Variants in PRKCA observed in about 807,000 individuals in gnomAD.
PRKCA encodes protein kinase C alpha type.
PRKCA carries 27 observed loss-of-function variants against 87.0 expected under a neutral mutation model. The ratio of observed to expected loss-of-function variants is 0.31; its 90% CI spans 0.23 to 0.43. The LOEUF is 0.43. Among genes scored for constraint, PRKCA ranks in the 20% least tolerant of loss-of-function variants. The pLI is 1.00. For missense variants in PRKCA, 518 were observed against 852.3 expected, an observed-to-expected ratio of 0.61 and a Z score of 4.88; for synonymous variants, 329 against 311.1, an observed-to-expected ratio of 1.06 and a Z score of -0.61.
chr17:66,726,788 G>A (rs1016280716), intron 8 of PRKCA, among the ~76,000 whole-genome samples: 2 of 151,502 alleles, frequency 1.3e-5, no homozygotes, highest in Non-Finnish European at 2.9e-5. Context: ...GCAGTGGCAC[G>A]ATCTTGGCTC....
At chr17:66,423,409 T>C (rs62070393) in intron 2 of PRKCA, among the ~76,000 whole-genome samples, 6,389 of 152,336 alleles carry the variant, frequency 0.042, 195 homozygotes, top group Admixed American at 0.076. Flanking sequence ...GATAGTTTGA[T>C]AATTCAGAGA....
Position 66,641,475 on chromosome 17 carries a change from G to GTTTTC in PRKCA, c.400+15_400+19dup. ...AGGGATGAAATGTGACAGTAAGTAAGTTTTCTTTTCCAGTTCATAGCGAGG... is the reference window on the plus strand; with the variant it reads ...AGGGATGAAATGTGACAGTAAGTAAGTTTTCTTTTCTTTTCCAGTTCATAGCGAGG... On this transcript the variant is annotated intron_variant, in intron 4 of 16. Transcript: ENST00000413366. 3.1e-6 allele frequency: 5 copies of GTTTTC among 1,595,938 alleles called. No homozygotes were observed. Among genetic ancestry groups the GTTTTC allele is most frequent in the Non-Finnish European group, 3.4e-6 (4 of 1,166,378 alleles).
Position 66,796,959 on chromosome 17 carries a change from C to T in PRKCA, c.1855-6914C>T, listed in dbSNP as rs186336765. ...AACATCCCTTTACTCTTTATTTGTT[C>T]TGCATCTTTCCTCTTCTTCTGGGTT... On this transcript the variant is annotated intron_variant, in intron 16 of 16. Transcript: ENST00000413366. 88 of 985,394 alleles carry T rather than the reference C, an allele frequency of 8.9e-5. No individual in the cohort carries two copies. The Middle Eastern group carries it at 2.1e-3, about 23-fold the overall frequency. The allele number at this position is 985,394 out of a possible 1,614,324, so 61.0% of individuals were successfully genotyped here.
chr17:66,781,870 T>C (rs62070961), intron 14 of PRKCA, among the ~76,000 whole-genome samples: 1 of 107,158 alleles, frequency 9.3e-6, no homozygotes, highest in Admixed American at 9.3e-5. Flanking sequence ...GAGAGAGAGA[T>C]ATATATATAT....
chr17:66,681,787 G>C (rs145628266), intron 5 of PRKCA, among the ~76,000 whole-genome samples: 1 of 152,206 alleles, frequency 6.6e-6, no homozygotes, highest in Non-Finnish European at 1.5e-5. Flanking sequence ...ACCCATTCAC[G>C]TGAGATGGCC....
intron 6 of PRKCA, 135 bp downstream of exon 6, chr17:66,687,402 C>A: frequency 1.1e-6 from 1 of 889,044 alleles, no homozygotes; most frequent in Non-Finnish European, 1.7e-6. Context: ...CCTCAGGCTG[C>A]CATTAGGGAG....
chr17:66,320,666 T>C (rs1394647254), intron 2 of PRKCA, among the ~76,000 whole-genome samples: 1 of 152,188 alleles, frequency 6.6e-6, no homozygotes, highest in Non-Finnish European at 1.5e-5. Context: ...GTTCACGAAA[T>C]TGTATATTTT....
intron 8 of PRKCA, among the ~76,000 whole-genome samples, chr17:66,718,290 G>C (rs1973527029): frequency 6.6e-6 from 1 of 152,098 alleles, no homozygotes; most frequent in Non-Finnish European, 1.5e-5. Context: ...ATGGGATGAG[G>C]AGCCTCTCAG....
At chr17:66,396,791 G>A (rs570273410) in intron 2 of PRKCA, among the ~76,000 whole-genome samples, 52 of 150,734 alleles carry the variant, frequency 3.4e-4, no homozygotes, top group African/African-American at 1.2e-3. Context: ...ACCATGCCTC[G>A]CCCTGTCATT....
chr17:66,545,246 G>A lies in PRKCA; in HGVS notation c.288+48963G>A, dbSNP rs570970834. The stretch of plus-strand genomic sequence containing the variant: ...GATCGAGACCATCCTGGCTAACACG[G>A]TGAAACCCCGCCTCTACTAAAAAAT... On this transcript the variant is annotated intron_variant, in intron 3 of 16. Coordinates refer to ENST00000413366, the MANE Select transcript of PRKCA (RefSeq NM_002737.3). 6.6e-5 allele frequency among the ~76,000 whole-genome samples: 10 copies of A among 152,170 alleles called. No individual in the cohort carries two copies. The East Asian group carries it at 1.6e-3, about 24-fold the overall frequency.
At chr17:66,741,836 A>G in intron 12 of PRKCA, 115 bp downstream of exon 12, 1 of 1,045,002 alleles carries the variant, frequency 9.6e-7, no homozygotes, top group South Asian at 1.7e-5. Context: ...CCCCAGGAGG[A>G]ACAGAGACCT....
At chr17:66,352,481 G>A (rs890896527) in intron 2 of PRKCA, among the ~76,000 whole-genome samples, 10 of 150,852 alleles carry the variant, frequency 6.6e-5, no homozygotes, top group Admixed American at 6.6e-5. Flanking sequence ...ACATTCTTCT[G>A]GTTAGCTTTA....
At chr17:66,607,453 G>C (rs1970242754) in intron 3 of PRKCA, among the ~76,000 whole-genome samples, 1 of 152,184 alleles carries the variant, frequency 6.6e-6, no homozygotes, top group African/African-American at 2.4e-5. Context: ...ACAAAAATCT[G>C]AGCCTTGCAT....
intron 12 of PRKCA, 93 bp from the exon 13 acceptor site, chr17:66,742,529 A>G: frequency 2.3e-6 from 3 of 1,320,744 alleles, no homozygotes; most frequent in Non-Finnish European, 3.2e-6. Flanking sequence ...CATTGAGCTG[A>G]CAGGTATTCA....
At chr17:66,460,254 T>C (rs892717956) in intron 2 of PRKCA, among the ~76,000 whole-genome samples, 1 of 152,226 alleles carries the variant, frequency 6.6e-6, no homozygotes, top group Non-Finnish European at 1.5e-5. Flanking sequence ...ATGTGGGCTG[T>C]GTGTGTATGA....
intron 14 of PRKCA, among the ~76,000 whole-genome samples, chr17:66,778,659 A>G (rs55792688): frequency 0.3 from 45,720 of 151,932 alleles, 7,216 homozygotes; most frequent in East Asian, 0.5. Context: ...CCAGGGCAAC[A>G]TGACAAAATC....
intron 2 of PRKCA, among the ~76,000 whole-genome samples, chr17:66,346,215 A>G (rs552916664): frequency 2.7e-5 from 4 of 149,794 alleles, no homozygotes; most frequent in East Asian, 2.0e-4. Flanking sequence ...TCCTGCCTCA[A>G]CCTCTCGAGT....
intron 2 of PRKCA, among the ~76,000 whole-genome samples, chr17:66,341,130 G>A (rs546859269): frequency 5.3e-5 from 8 of 152,136 alleles, no homozygotes; most frequent in African/African-American, 1.9e-4. Context: ...ATACATTGCC[G>A]AATCAAAATT....
At chr17:66,558,236 C>T (rs560637328) in intron 3 of PRKCA, among the ~76,000 whole-genome samples, 2 of 152,318 alleles carry the variant, frequency 1.3e-5, no homozygotes, top group East Asian at 1.9e-4. Flanking sequence ...GTGCAGACAC[C>T]GAAGCATAAA....
Sources: allele counts gnomAD v4.1 joint callset (sites outside exome capture counted in the v4.1 genomes callset), GRCh38; gene constraint gnomAD v4.1.1; transcripts MANE v1.5; gene names NCBI Gene and HGNC (gene_info 2026-07-23, HGNC 2026-07-21).